The following ZNF207 variants were observed in gnomAD, a reference collection of about 807,000 sequenced individuals.
ZNF207 encodes zinc finger protein 207.
ZNF207 carries 24 observed loss-of-function variants against 60.2 expected under a neutral mutation model. The observed-to-expected ratio is 0.40, with a 90% CI of 0.29 to 0.56. The LOEUF is 0.56. Ranked by LOEUF, ZNF207 falls within the 20% of genes least tolerant of loss-of-function variation. The pLI is 0.49. For synonymous variants in ZNF207, 236 were observed against 194.7 expected, an observed-to-expected ratio of 1.21 and a Z score of -1.77; for missense variants, 452 against 636.6, an observed-to-expected ratio of 0.71 and a Z score of 3.12.
chr17:32,359,952 TG>T (rs1341315065), intron 3 of ZNF207, among the ~76,000 whole-genome samples: 1 of 152,184 alleles, frequency 6.6e-6, no homozygotes, highest in Non-Finnish European at 1.5e-5. Flanking sequence ...TAGATTTATT[TG>T]GAATTTAAAA....
rs1300457506 is a variant in ZNF207, at chr17:32,370,018, T to C, written c.*259T>C. The C allele has an allele frequency of 6.2e-6, 2 of 322,462 alleles. No homozygotes were observed. Among genetic ancestry groups the C allele is most frequent in the Non-Finnish European group, 1.1e-5 (2 of 185,194 alleles). 20.0% of individuals were successfully genotyped at this position (322,462 alleles called of 1,614,324 possible). On this transcript the variant is annotated 3_prime_UTR_variant, in exon 12 of 12. Coordinates refer to ENST00000394670, the MANE Select transcript of ZNF207 (RefSeq NM_001098507.2). Reference sequence around the variant, plus strand: ...CATCTAGGTTTTTAGAAGTGAAGTATAGTAAATTTGGTTCGTTAAATTGTG... The same window carrying C: ...CATCTAGGTTTTTAGAAGTGAAGTACAGTAAATTTGGTTCGTTAAATTGTG...
intron 1 of ZNF207, 22 bp downstream of exon 1, chr17:32,350,348 T>G: frequency 6.2e-7 from 1 of 1,613,954 alleles, no homozygotes; most frequent in Non-Finnish European, 8.5e-7. Flanking sequence ...CGGTTTGAAG[T>G]CGAGGTCGCG....
rs779891807 is a variant in ZNF207, at chr17:32,369,755, A to G, written c.1481A>G (p.Tyr494Cys). 2.0e-6 allele frequency: 3 copies of G among 1,526,430 alleles called. No homozygotes were observed. The Admixed American group carries it at 6.6e-5, about 34-fold the overall frequency. 94.6% of individuals were successfully genotyped at this position (1,526,430 alleles called of 1,614,324 possible). A position where few individuals can be genotyped will look rare whatever the true frequency, so the allele number is the denominator to read the frequency against. The change falls in exon 12 of 12, where the codon TAC becomes TGC. Residue 494 changes from tyrosine (Y) to cysteine (C), a missense_variant. Tyr to Cys is a radical substitution (Grantham distance 194, BLOSUM62 -2). Transcript: ENST00000394670. ...CCTGTAATGTCGCAAGGTGGCCGTT[A>G]CTGATCTTACTTCATCCAGTCTAAT... ...RPPVMSQGGR[Y>C]
chr17:32,355,583 A>G (rs1466610245), intron 2 of ZNF207, among the ~76,000 whole-genome samples: 2 of 152,208 alleles, frequency 1.3e-5, no homozygotes, highest in African/African-American at 4.8e-5. Flanking sequence ...AACAGGAGAT[A>G]GAAATTTGGA....
At position 32,376,535 on chromosome 17, in the gene ZNF207, C is replaced by T. The variant is rs1905680634; in HGVS notation, c.*6776C>T. ...CTGTTCAGTTAGTCTCATGTATTCTCAGGGGAAAATGTCTTTATTTTACTA... is the reference window on the plus strand; with the variant it reads ...CTGTTCAGTTAGTCTCATGTATTCTTAGGGGAAAATGTCTTTATTTTACTA... On this transcript the variant is annotated 3_prime_UTR_variant, in exon 12 of 12. Coordinates refer to ENST00000394670, the MANE Select transcript of ZNF207 (RefSeq NM_001098507.2). 1 of 151,952 alleles carries T rather than the reference C, an allele frequency of 6.6e-6. No individual in the cohort carries two copies. The highest frequency in any genetic ancestry group is 1.5e-5 in the Non-Finnish European group (1 of 67,918). The allele number at this position is 151,952 out of a possible 1,614,324, so 9.4% of individuals were successfully genotyped here.
rs1209794394 is a variant in ZNF207 at position 32,364,009 on chromosome 17, T to C, written c.670+1025T>C. ...CAGCTCAGACAAGAAGGGGTGTCGG[T>C]TGTAGTGCACTCTCCATTTTCTTTT... On this transcript the variant is annotated intron_variant, in intron 7 of 11. Transcript: ENST00000394670. 2.7e-5 allele frequency among the ~76,000 whole-genome samples: 4 copies of C among 150,126 alleles called. No homozygotes were observed. In the Admixed American group the frequency reaches 2.7e-4, roughly 10 times the overall value.
chr17:32,365,515 C>A, intron 8 of ZNF207, 28 bp downstream of exon 8: 2 of 1,608,562 alleles, frequency 1.2e-6, no homozygotes, highest in East Asian at 2.2e-5. Context: ...AAAAGGAGTG[C>A]ACTTATATTT....
In ZNF207 at chr17:32,376,216, C is replaced by G. The variant is rs1356376847; in HGVS notation, c.*6457C>G. On this transcript the variant is annotated 3_prime_UTR_variant, in exon 12 of 12. Transcript: ENST00000394670. ...ATGGAGAAAGTAGGACTTCAGTTTG[C>G]GCTTCCCAATAACTTTAAATATATC... 2.0e-5 allele frequency: 3 copies of G among 151,958 alleles called. No individual in the cohort carries two copies. The highest frequency in any genetic ancestry group is 4.1e-4 in the South Asian group (2 of 4,824). 9.4% of individuals were successfully genotyped at this position (151,958 alleles called of 1,614,324 possible).
chr17:32,360,807 T>A lies in ZNF207; in HGVS notation c.475+42T>A, dbSNP rs1904834970. 3.1e-6 allele frequency: 5 copies of A among 1,612,100 alleles called. No homozygotes were observed. The East Asian group carries it at 1.1e-4, about 36-fold the overall frequency. On this transcript the variant is annotated intron_variant, in intron 4 of 11. Transcript: ENST00000394670. ...CTTAAAATCTAACATTTTTAGGACA[T>A]TATTGATATTGTATCGAAGTATTAC...
At position 32,380,830 on chromosome 17, in the gene ZNF207, G is replaced by C. The variant is rs1412989888; in HGVS notation, c.*11071G>C. On this transcript the variant is annotated 3_prime_UTR_variant, in exon 12 of 12. Coordinates refer to ENST00000394670, the MANE Select transcript of ZNF207 (RefSeq NM_001098507.2). ...AAATCAGCCGGGTGTGGTGGGACGT[G>C]CCTGTAACCCCAGCTACTCTGGAGG... 6.6e-6 allele frequency: 1 copy of C among 152,302 alleles called. No individual in the cohort carries two copies. The highest frequency in any genetic ancestry group is 1.9e-4 in the East Asian group (1 of 5,172). 9.4% of individuals were successfully genotyped at this position (152,302 alleles called of 1,614,324 possible).
At chr17:32,363,924 CTTTT>C (rs1233082713) in intron 7 of ZNF207, among the ~76,000 whole-genome samples, 1 of 152,012 alleles carries the variant, frequency 6.6e-6, no homozygotes, top group Non-Finnish European at 1.5e-5. Flanking sequence ...TTAACCCATG[CTTTT>C]TTTGACTTTG....
intron 2 of ZNF207, among the ~76,000 whole-genome samples, chr17:32,358,114 TCTTTA>T (rs1325028755): frequency 2.6e-5 from 4 of 152,334 alleles, no homozygotes; most frequent in South Asian, 2.1e-4. Flanking sequence ...TGTTTCATAA[TCTTTA>T]CTTAATTCAC....
rs1231916858 is a variant in ZNF207, at chr17:32,370,224, T to C, written c.*465T>C. ...CTTGTACATTGGAAGTCTGAATGTG[T>C]AACAATATTTAATGTATTTAGAGTT... is the stretch of plus-strand genomic sequence containing the variant. On this transcript the variant is annotated 3_prime_UTR_variant, in exon 12 of 12. Transcript: ENST00000394670. The C allele has an allele frequency of 6.5e-6, 1 of 152,926 alleles. No individual in the cohort carries two copies. Among genetic ancestry groups the C allele is most frequent in the African/African-American group, 2.4e-5 (1 of 41,470 alleles). The allele number at this position is 152,926 out of a possible 1,614,324, so 9.5% of individuals were successfully genotyped here. A position where few individuals can be genotyped will look rare whatever the true frequency, so the allele number is the denominator to read the frequency against.
At position 32,365,406 on chromosome 17, in the gene ZNF207, T is replaced by A. The variant is rs377459666; in HGVS notation, c.747T>A (p.Leu249=). 1.2e-5 allele frequency: 20 copies of A among 1,613,992 alleles called. No homozygotes were observed. The highest frequency in any genetic ancestry group is 1.6e-5 in the Non-Finnish European group (19 of 1,180,012). Residue 249 remains leucine (L), a synonymous_variant, in exon 8 of 12, where the codon CTT becomes CTA. Transcript: ENST00000394670. ...AGGCTGTTTCAGCGCCAGGTATTCTTAATAGACCACCTGCACCAACAGCAA... is the reference window on the plus strand; with the variant it reads ...AGGCTGTTTCAGCGCCAGGTATTCTAAATAGACCACCTGCACCAACAGCAA... ...QAQAVSAPGI[L]NRPPAPTATV...
Position 32,370,292 on chromosome 17 carries a change from T to C in ZNF207, c.*533T>C, listed in dbSNP as rs1191941523. ...TAAGAAATCTGACCCACCAAGGTCATGTGACTTTTCTGTACTGTTAAACTT... is the reference window on the plus strand; with the variant it reads ...TAAGAAATCTGACCCACCAAGGTCACGTGACTTTTCTGTACTGTTAAACTT... On this transcript the variant is annotated 3_prime_UTR_variant, in exon 12 of 12. Transcript: ENST00000394670. The C allele has an allele frequency of 6.5e-6, 1 of 152,716 alleles. No homozygotes were observed. The highest frequency in any genetic ancestry group is 1.5e-5 in the Non-Finnish European group (1 of 68,068). The allele number at this position is 152,716 out of a possible 1,614,324, so 9.5% of individuals were successfully genotyped here. A position where few individuals can be genotyped will look rare whatever the true frequency, so the allele number is the denominator to read the frequency against.
Position 32,369,234 on chromosome 17 carries a change from C to G in ZNF207, c.1165-61C>G, listed in dbSNP as rs1328312554. On this transcript the variant is annotated intron_variant, in intron 10 of 11. Transcript: ENST00000394670. ...ACGTTGTAAGATTTTAGATGCATGC[C>G]TTTATGCTTGGTGAGCCTCTGCATT... The G allele has an allele frequency of 3.2e-6, 5 of 1,575,090 alleles. No individual in the cohort carries two copies. The African/African-American group carries it at 4.1e-5, about 13-fold the overall frequency.
At position 32,365,725 on chromosome 17, in the gene ZNF207, C is replaced by T; in HGVS notation, c.828+238C>T. The T allele has an allele frequency of 9.6e-6, 2 of 207,316 alleles. 1 individual carries two copies. Among genetic ancestry groups the T allele is most frequent in the African/African-American group, 4.7e-5 (2 of 42,316 alleles). The allele number at this position is 207,316 out of a possible 1,614,324, so 12.8% of individuals were successfully genotyped here. On this transcript the variant is annotated intron_variant, in intron 8 of 11. Coordinates refer to ENST00000394670, the MANE Select transcript of ZNF207 (RefSeq NM_001098507.2). ...TGTTACTTTTTCATAGCTGTGAACCCTATTTATTCTTAGTTTTTTTTTTTT... is the reference window on the plus strand; with the variant it reads ...TGTTACTTTTTCATAGCTGTGAACCTTATTTATTCTTAGTTTTTTTTTTTT...
chr17:32,358,487 A>G lies in ZNF207; in HGVS notation c.169-16A>G, dbSNP rs1904675770. On this transcript the variant is annotated splice_polypyrimidine_tract_variant and intron_variant, in intron 2 of 11. Transcript: ENST00000394670. ...CTTAAAAAAGACTTTTATCTAATGG[A>G]AATTGTTGTTGTTAGGTACATAAAG... 3 of 1,533,572 alleles carry G rather than the reference A, an allele frequency of 2.0e-6. No homozygotes were observed. The highest frequency in any genetic ancestry group is 5.1e-5 in the East Asian group (2 of 39,372). The allele number at this position is 1,533,572 out of a possible 1,614,324, so 95.0% of individuals were successfully genotyped here.
At position 32,353,811 on chromosome 17, in the gene ZNF207, CAAAAAAAA is replaced by C. The variant is rs536502166; in HGVS notation, c.168+1917_168+1924del. Among the ~76,000 whole-genome samples the C allele has an allele frequency of 2.4e-4, 26 of 110,528 alleles. No individual in the cohort carries two copies. The South Asian group carries it at 8.6e-3, about 36-fold the overall frequency. The allele number at this position is 110,528 out of a possible 152,430, so 72.5% of individuals were successfully genotyped here. A position where few individuals can be genotyped will look rare whatever the true frequency, so the allele number is the denominator to read the frequency against. On this transcript the variant is annotated intron_variant, in intron 2 of 11. Coordinates refer to ENST00000394670, the MANE Select transcript of ZNF207 (RefSeq NM_001098507.2). ...GCCTGGGTGACAGAGACTCTGTCTC[CAAAAAAAA>C]AAAAAAAAAAAAAAAAATTGTTAGA...
Sources: allele counts gnomAD v4.1 joint callset (sites outside exome capture counted in the v4.1 genomes callset), GRCh38; gene constraint gnomAD v4.1.1; transcripts MANE v1.5; gene names NCBI Gene and HGNC (gene_info 2026-07-23, HGNC 2026-07-21).